The following SASH1 variants were observed in gnomAD, a reference collection of about 807,000 sequenced individuals.
The protein encoded by SASH1 is SAM and SH3 domain containing 1.
SASH1 carries 44 observed loss-of-function variants against 125.2 expected under a neutral mutation model. That is an observed-to-expected ratio of 0.35 (90% CI 0.28 to 0.45). The LOEUF is 0.45. SASH1 is among the 20% of genes least tolerant of loss of function. SASH1 has a pLI of 1.00. For synonymous variants in SASH1, 639 were observed against 649.1 expected (o/e 0.98, Z 0.24); for missense variants, 1,426 against 1,614.5 (o/e 0.88, Z 2.00).
At position 148,478,318 on chromosome 6, in the gene SASH1, T is replaced by A. The variant is rs186253806; in HGVS notation, c.627+4096T>A. On this transcript the variant is annotated intron_variant, in intron 7 of 19. Transcript: ENST00000367467. ...GAATGGATAAAGAAAATGTGGTACA[T>A]ATACACGGTGGAACACTACCCAGCC... 3.3e-5 allele frequency among the ~76,000 whole-genome samples: 5 copies of A among 152,260 alleles called. No individual in the cohort carries two copies. In the East Asian group the frequency reaches 9.6e-4, roughly 29 times the overall value.
At chr6:148,545,846 C>T (rs774739766) in intron 18 of SASH1, among the ~76,000 whole-genome samples, 169 bp from the exon 19 acceptor site, 11 of 152,216 alleles carry the variant, frequency 7.2e-5, no homozygotes, top group Admixed American at 1.3e-4. Flanking sequence ...GAGGCCAAGG[C>T]GAGAAGATCG....
chr6:148,203,758 G>A, the SASH1 span, among the ~76,000 whole-genome samples: 1 of 152,174 alleles, frequency 6.6e-6, no homozygotes, highest in South Asian at 2.1e-4. Context: ...GATGCCACAC[G>A]TAGCTTTCAC....
At chr6:148,388,244 C>T (rs922447441) in intron 1 of SASH1, among the ~76,000 whole-genome samples, 2 of 151,968 alleles carry the variant, frequency 1.3e-5, no homozygotes, top group African/African-American at 4.8e-5. Flanking sequence ...GTTTCCTTTC[C>T]TGGAGGCAGC....
At chr6:148,510,230 A>C (rs1397918278) in intron 8 of SASH1, among the ~76,000 whole-genome samples, 1 of 152,240 alleles carries the variant, frequency 6.6e-6, no homozygotes, top group East Asian at 1.9e-4. Context: ...AAAAATCTGC[A>C]GAGGAGAGGC....
chr6:148,369,951 C>CA (rs1196196590), intron 1 of SASH1, among the ~76,000 whole-genome samples: 240 of 8,786 alleles, frequency 0.027, 2 homozygotes, highest in African/African-American at 0.094. Flanking sequence ...GAGATTGTCT[C>CA]AAAAAAAAGA....
intron 7 of SASH1, among the ~76,000 whole-genome samples, chr6:148,480,979 T>C (rs567271701): frequency 7.1e-5 from 10 of 141,154 alleles, no homozygotes; most frequent in South Asian, 2.3e-4. Flanking sequence ...TGATGGATAA[T>C]TAACACATAT....
intron 4 of SASH1, among the ~76,000 whole-genome samples, chr6:148,443,473 A>G (rs1397238067): frequency 7.1e-6 from 1 of 139,910 alleles, no homozygotes; most frequent in Non-Finnish European, 1.5e-5. Flanking sequence ...AATACATATT[A>G]TATATTTTTA....
At chr6:148,357,253 G>T (rs1052520823) in intron 1 of SASH1, among the ~76,000 whole-genome samples, 1 of 152,098 alleles carries the variant, frequency 6.6e-6, no homozygotes. Context: ...AATAATGTAG[G>T]GTTCCTGGTT....
At chr6:148,387,537 TCTTTC>T (rs1783431169) in intron 1 of SASH1, among the ~76,000 whole-genome samples, 1 of 149,312 alleles carries the variant, frequency 6.7e-6, no homozygotes, top group African/African-American at 2.5e-5. Flanking sequence ...CTTTCTTCTT[TCTTTC>T]TTTTCTTTTC....
At chr6:148,203,044 A>G in the SASH1 span, among the ~76,000 whole-genome samples, 1 of 152,270 alleles carries the variant, frequency 6.6e-6, no homozygotes, top group African/African-American at 2.4e-5. Context: ...AGAAAAATTT[A>G]GAAATGGGAA....
chr6:148,477,692 A>ATTT (rs71004300), intron 7 of SASH1, among the ~76,000 whole-genome samples: 108 of 95,820 alleles, frequency 1.1e-3, no homozygotes, highest in Non-Finnish European at 1.6e-3. Flanking sequence ...CACCTGGCTA[A>ATTT]TTTTTTTTTT....
At chr6:148,242,456 A>C in the SASH1 span, among the ~76,000 whole-genome samples, 1 of 152,168 alleles carries the variant, frequency 6.6e-6, no homozygotes, top group Non-Finnish European at 1.5e-5. Flanking sequence ...AAGTGATTTG[A>C]GAATCTCTCC....
chr6:148,440,107 T>C, intron 2 of SASH1, 77 bp from the exon 3 acceptor site: 1 of 1,395,136 alleles, frequency 7.2e-7, no homozygotes, highest in Non-Finnish European at 1.0e-6. Context: ...CTCCCCTCTC[T>C]TCTTACATGT....
At chr6:148,323,431 T>C (rs1780707316) in intron 1 of SASH1, among the ~76,000 whole-genome samples, 1 of 152,250 alleles carries the variant, frequency 6.6e-6, no homozygotes, top group Non-Finnish European at 1.5e-5. Context: ...GTGATTCTAA[T>C]GTGTACACTC....
At chr6:148,233,591 G>A in the SASH1 span, among the ~76,000 whole-genome samples, 2,495 of 151,888 alleles carry the variant, frequency 0.016, 74 homozygotes, top group African/African-American at 0.058. Context: ...TGAATTACAT[G>A]TTAATTAAAA....
At chr6:148,238,402 T>C in the SASH1 span, among the ~76,000 whole-genome samples, 1 of 152,068 alleles carries the variant, frequency 6.6e-6, no homozygotes, top group African/African-American at 2.4e-5. Flanking sequence ...TTTTGTATTT[T>C]TAGTAGAGAC....
chr6:148,207,079 C>T, the SASH1 span, among the ~76,000 whole-genome samples: 1 of 152,160 alleles, frequency 6.6e-6, no homozygotes, highest in Non-Finnish European at 1.5e-5. Context: ...ACCTTCCCAA[C>T]CAAATTAAGC....
At chr6:148,237,363 G>C in the SASH1 span, among the ~76,000 whole-genome samples, 1 of 152,020 alleles carries the variant, frequency 6.6e-6, no homozygotes, top group Non-Finnish European at 1.5e-5. Context: ...CATGCATTCT[G>C]TTTATCTTTA....
At chr6:148,524,118 TA>T (rs1312122341) in intron 10 of SASH1, among the ~76,000 whole-genome samples, 1,910 of 94,798 alleles carry the variant, frequency 0.02, 30 homozygotes, top group South Asian at 0.062. Context: ...TATATATATA[TA>T]TATTTTTTTT....
Sources: gnomAD v4.1 joint callset for allele counts (sites outside exome capture counted in the v4.1 genomes callset) on GRCh38, gnomAD v4.1.1 for gene constraint, MANE v1.5 for transcripts, NCBI Gene and HGNC (gene_info 2026-07-23, HGNC 2026-07-21) for gene names.